KCNB2: variants seen among roughly 807,000 people sequenced by gnomAD.
KCNB2 encodes the protein potassium voltage-gated channel subfamily B member 2.
KCNB2 carries 15 observed loss-of-function variants against 61.5 expected under a neutral mutation model. That is an observed-to-expected ratio of 0.24 (90% CI 0.16 to 0.38). KCNB2 has a LOEUF of 0.38. Among genes scored for constraint, KCNB2 ranks in the 10% least tolerant of loss-of-function variants. The pLI, the probability that KCNB2 is intolerant of heterozygous loss-of-function variation, is 1.00. For missense variants in KCNB2, 828 were observed against 1,125.2 expected, an observed-to-expected ratio of 0.74 and a Z score of 3.78; for synonymous variants, 457 against 446.0, an observed-to-expected ratio of 1.02 and a Z score of -0.31.
At chr8:72,862,202 C>G (rs1372568833) in intron 2 of KCNB2, among the ~76,000 whole-genome samples, 1 of 152,098 alleles carries the variant, frequency 6.6e-6, no homozygotes, top group Non-Finnish European at 1.5e-5. Context: ...TTGAGAAACA[C>G]TAGCAATTTG....
At chr8:72,773,541 TGGGA>T (rs1164382055) in intron 2 of KCNB2, among the ~76,000 whole-genome samples, 1 of 152,138 alleles carries the variant, frequency 6.6e-6, no homozygotes, top group Admixed American at 6.6e-5. Flanking sequence ...TTCTCCATGG[TGGGA>T]GGGAGATAGT....
intron 2 of KCNB2, among the ~76,000 whole-genome samples, chr8:72,811,661 G>T (rs1809307746): frequency 6.6e-6 from 1 of 152,070 alleles, no homozygotes; most frequent in Non-Finnish European, 1.5e-5. Flanking sequence ...GTTTGGAAAG[G>T]AAATCTTTCT....
At chr8:72,750,502 G>A (rs1252903639) in intron 2 of KCNB2, 1 of 152,152 alleles carries the variant, frequency 6.6e-6, no homozygotes, top group Non-Finnish European at 1.5e-5. Flanking sequence ...GTCAAACTTA[G>A]CAGTCTAAGG....
intron 2 of KCNB2, among the ~76,000 whole-genome samples, chr8:72,928,739 A>T (rs1280500851): frequency 6.6e-6 from 1 of 151,426 alleles, no homozygotes; most frequent in East Asian, 1.9e-4. Flanking sequence ...ATATTTTAAG[A>T]CATGAGACAG....
intron 2 of KCNB2, among the ~76,000 whole-genome samples, chr8:72,676,921 C>T (rs1409253177): frequency 6.6e-6 from 1 of 152,188 alleles, no homozygotes; most frequent in African/African-American, 2.4e-5. Flanking sequence ...TTTGTCTGTT[C>T]CCCCCACCCC....
chr8:72,911,007 T>C (rs1040593991), intron 2 of KCNB2, among the ~76,000 whole-genome samples: 5 of 152,220 alleles, frequency 3.3e-5, no homozygotes, highest in African/African-American at 1.2e-4. Context: ...GGAGACTTCT[T>C]GAATACACCA....
Position 72,794,914 on chromosome 8 carries a change from G to T in KCNB2, c.580-141021G>T, listed in dbSNP as rs376081313. On this transcript the variant is annotated intron_variant, in intron 2 of 2. Coordinates refer to ENST00000523207, the MANE Select transcript of KCNB2 (RefSeq NM_004770.3). ...CCAGCTGGGCCAAATACTGCTGAGGGTCTAATAGAGAAGTAACCACTGGAA... is the reference window on the plus strand; with the variant it reads ...CCAGCTGGGCCAAATACTGCTGAGGTTCTAATAGAGAAGTAACCACTGGAA... 5.9e-5 allele frequency among the ~76,000 whole-genome samples: 9 copies of T among 151,962 alleles called. No individual in the cohort carries two copies. In the East Asian group the frequency reaches 1.7e-3, roughly 29 times the overall value.
At chr8:72,891,441 C>A (rs1250546530) in intron 2 of KCNB2, among the ~76,000 whole-genome samples, 2 of 152,182 alleles carry the variant, frequency 1.3e-5, no homozygotes, top group African/African-American at 4.8e-5. Flanking sequence ...AGCAAAAGGA[C>A]ATGCTTATAC....
chr8:72,623,166 G>A (rs534253407), intron 2 of KCNB2, among the ~76,000 whole-genome samples: 1 of 152,304 alleles, frequency 6.6e-6, no homozygotes, highest in Admixed American at 6.5e-5. Context: ...GTCAATCAGT[G>A]TTGAGGTTAA....
chr8:72,644,465 G>A (rs907877643), intron 2 of KCNB2, among the ~76,000 whole-genome samples: 3 of 152,042 alleles, frequency 2.0e-5, no homozygotes, highest in Non-Finnish European at 2.9e-5. Flanking sequence ...TAATATGGTG[G>A]CACCACATAC....
intron 2 of KCNB2, chr8:72,751,964 G>A (rs1393859904): frequency 6.6e-6 from 1 of 152,244 alleles, no homozygotes; most frequent in Non-Finnish European, 1.5e-5. Context: ...GACAGAGCGA[G>A]GCCTGTGGTG....
intron 2 of KCNB2, among the ~76,000 whole-genome samples, chr8:72,724,744 T>A (rs1289096241): frequency 6.6e-6 from 1 of 152,194 alleles, no homozygotes; most frequent in Non-Finnish European, 1.5e-5. Flanking sequence ...TCTTGCTAAT[T>A]CTGGTAATTC....
chr8:72,882,556 A>AGAGAGAGAGAGAGAGAG (rs10691208), intron 2 of KCNB2, among the ~76,000 whole-genome samples: 140 of 142,606 alleles, frequency 9.8e-4, no homozygotes, highest in Non-Finnish European at 1.5e-3. Flanking sequence ...AGAGAGAGAG[A>AGAGAGAGAGAGAGAGAG]ATGTGTGTCT....
chr8:72,620,883 C>T (rs1357941493), intron 2 of KCNB2, among the ~76,000 whole-genome samples: 3 of 152,330 alleles, frequency 2.0e-5, no homozygotes, highest in Non-Finnish European at 1.5e-5. Flanking sequence ...GTGGGGATTA[C>T]AGGCATGAGC....
At chr8:72,826,292 A>G (rs1395155962) in intron 2 of KCNB2, among the ~76,000 whole-genome samples, 2 of 152,224 alleles carry the variant, frequency 1.3e-5, no homozygotes, top group African/African-American at 2.4e-5. Context: ...GCCGATTATC[A>G]ACAGTCTTCC....
intron 2 of KCNB2, among the ~76,000 whole-genome samples, chr8:72,803,302 T>G (rs1056298197): frequency 1.3e-5 from 2 of 152,196 alleles, no homozygotes; most frequent in Non-Finnish European, 2.9e-5. Context: ...TTTCCCTGTA[T>G]TGCCTGCTGC....
intron 2 of KCNB2, among the ~76,000 whole-genome samples, chr8:72,641,110 T>C (rs1806048498): frequency 6.6e-6 from 1 of 152,122 alleles, no homozygotes; most frequent in South Asian, 2.1e-4. Flanking sequence ...AATTATGGCA[T>C]TGATGAAACC....
chr8:72,861,921 C>G (rs752482837), intron 2 of KCNB2, among the ~76,000 whole-genome samples: 1 of 152,106 alleles, frequency 6.6e-6, no homozygotes, highest in Non-Finnish European at 1.5e-5. Flanking sequence ...CCTGTAATCT[C>G]AACACTCTTG....
In KCNB2 at chr8:72,913,475, AG is replaced by A. The variant is rs539897351; in HGVS notation, c.580-22458del. ...GCTATTCTCCCTTATAGAAATACCA[AG>A]GTACTTTTGAGGGTACTGCAATAAG... On this transcript the variant is annotated intron_variant, in intron 2 of 2. Coordinates refer to ENST00000523207, the MANE Select transcript of KCNB2 (RefSeq NM_004770.3). Among the ~76,000 whole-genome samples, 21 of 152,336 alleles carry A rather than the reference AG, an allele frequency of 1.4e-4. No individual in the cohort carries two copies. The South Asian group carries it at 4.4e-3, about 32-fold the overall frequency.
Sources: allele counts gnomAD v4.1 joint callset (sites outside exome capture counted in the v4.1 genomes callset), GRCh38; gene constraint gnomAD v4.1.1; transcripts MANE v1.5; gene names NCBI Gene and HGNC (gene_info 2026-07-23, HGNC 2026-07-21).